TANGO2: variants seen among roughly 807,000 people sequenced by gnomAD.
The protein encoded by TANGO2 is transport and Golgi organization protein 2 homolog.
TANGO2 carries 26 observed loss-of-function variants against 39.1 expected under a neutral mutation model. The ratio of observed to expected loss-of-function variants is 0.67; its 90% CI spans 0.49 to 0.92. The LOEUF (loss-of-function observed/expected upper bound fraction) is 0.92, where lower values mean the gene tolerates loss of function less well. Among genes scored for constraint, TANGO2 ranks in the 40% least tolerant of loss-of-function variants. TANGO2 has a pLI of 0.00. For synonymous variants in TANGO2, 131 were observed against 144.5 expected (o/e 0.91, Z 0.67); for missense variants, 326 against 360.1 (o/e 0.91, Z 0.77).
chr22:20,027,004 C>G (rs537392921), intron 1 of TANGO2, among the ~76,000 whole-genome samples: 109 of 152,316 alleles, frequency 7.2e-4, no homozygotes, highest in Non-Finnish European at 1.5e-3. Flanking sequence ...GTTTAATTGG[C>G]TCTCGGTTCT....
At chr22:20,028,132 CAG>C (rs1218386612) in intron 1 of TANGO2, among the ~76,000 whole-genome samples, 2 of 152,124 alleles carry the variant, frequency 1.3e-5, no homozygotes, top group Non-Finnish European at 2.9e-5. Context: ...TATATTGAGA[CAG>C]AGTCTCCCTC....
chr22:20,045,546 C>G (rs1359127431), intron 3 of TANGO2, among the ~76,000 whole-genome samples: 1 of 145,000 alleles, frequency 6.9e-6, no homozygotes, highest in African/African-American at 2.6e-5. Flanking sequence ...TCTTGTTGCC[C>G]AGGCTGGAGT....
At chr22:20,039,304 A>G (rs1386447006) in intron 2 of TANGO2, among the ~76,000 whole-genome samples, 5 of 151,748 alleles carry the variant, frequency 3.3e-5, no homozygotes, top group South Asian at 4.2e-4. Context: ...TAACACAATC[A>G]CTTCATGATG....
intron 1 of TANGO2, among the ~76,000 whole-genome samples, chr22:20,031,119 A>C (rs914977324): frequency 6.6e-6 from 1 of 151,948 alleles, no homozygotes; most frequent in African/African-American, 2.4e-5. Context: ...AATCGCTTGA[A>C]CCAGGGAGGA....
chr22:20,033,330 C>G, intron 1 of TANGO2: 2 of 418,456 alleles, frequency 4.8e-6, no homozygotes, highest in Non-Finnish European at 4.7e-6. Context: ...GGAGCCCTCC[C>G]TGCCACTGGT....
rs112637156 is a variant in TANGO2, at chr22:20,033,245, C to G, written c.-39-3515C>G. The stretch of plus-strand genomic sequence containing the variant: ...AATGACCGCGTCTTCGTCGAGGCCA[C>G]AGCCCTTGGCTCTGCGCCCACACCT... On this transcript the variant is annotated intron_variant, in intron 1 of 8. Transcript: ENST00000327374. 1,860 of 527,084 alleles carry G rather than the reference C, an allele frequency of 3.5e-3. 37 individuals carry two copies. The highest frequency in any genetic ancestry group is 0.033 in the African/African-American group (1,715 of 51,588). The allele number at this position is 527,084 out of a possible 1,614,324, so 32.7% of individuals were successfully genotyped here.
upstream of TANGO2, chr22:20,019,417 A>C (rs1388665755): frequency 6.6e-6 from 1 of 152,248 alleles, no homozygotes; most frequent in Non-Finnish European, 1.5e-5. Context: ...ATCTGCCGTC[A>C]CCTGCTTCCT....
chr22:20,049,916 A>G (rs1455436527), intron 3 of TANGO2, among the ~76,000 whole-genome samples: 1 of 151,938 alleles, frequency 6.6e-6, no homozygotes, highest in African/African-American at 2.4e-5. Context: ...AACAAGAAGA[A>G]ACACTGTTGA....
rs752279416 is a variant in TANGO2 at position 20,046,930 on chromosome 22, C to T, written c.145+3487C>T. Among the ~76,000 whole-genome samples, 5 of 152,264 alleles carry T rather than the reference C, an allele frequency of 3.3e-5. No individual in the cohort carries two copies. In the South Asian group the frequency reaches 6.2e-4, roughly 19 times the overall value. On this transcript the variant is annotated intron_variant, in intron 3 of 8. Transcript: ENST00000327374. ...AAAGAGGTTTATTTGGCTTAGAGTT[C>T]TACAGGGGACCTGAAGCACAGTGTC...
At chr22:20,030,900 A>G (rs1416359057) in intron 1 of TANGO2, among the ~76,000 whole-genome samples, 2 of 152,176 alleles carry the variant, frequency 1.3e-5, no homozygotes, top group Admixed American at 6.5e-5. Context: ...CACCTCTCCA[A>G]AAAAATTTAA....
intron 3 of TANGO2, among the ~76,000 whole-genome samples, chr22:20,045,785 G>A (rs2045061836): frequency 6.6e-6 from 1 of 152,112 alleles, no homozygotes; most frequent in South Asian, 2.1e-4. Context: ...TTAGAAGCAT[G>A]AGCCATTGCA....
intron 3 of TANGO2, among the ~76,000 whole-genome samples, chr22:20,044,160 C>G (rs1235583705): frequency 6.6e-6 from 1 of 152,174 alleles, no homozygotes; most frequent in African/African-American, 2.4e-5. Context: ...TGGCATGCTC[C>G]AGGGTGCCCA....
intron 3 of TANGO2, among the ~76,000 whole-genome samples, chr22:20,046,509 G>A (rs2045239474): frequency 6.8e-6 from 1 of 146,804 alleles, no homozygotes; most frequent in Non-Finnish European, 1.5e-5. Flanking sequence ...CTGTCGCTTA[G>A]GCTGGAGTGC....
At chr22:20,042,609 C>G (rs1038738213) in intron 2 of TANGO2, among the ~76,000 whole-genome samples, 1 of 151,800 alleles carries the variant, frequency 6.6e-6, no homozygotes, top group African/African-American at 2.4e-5. Context: ...ACTAAAAATA[C>G]AAAAAATTAG....
intron 1 of TANGO2, among the ~76,000 whole-genome samples, chr22:20,026,397 CA>C (rs34580239): frequency 0.88 from 121,623 of 137,932 alleles, 53,484 homozygotes; most frequent in African/African-American, 0.93. Flanking sequence ...GACTTCGTCT[CA>C]AAAAAAAAAA....
At chr22:20,032,703 C>T (rs2042099338) in intron 1 of TANGO2, among the ~76,000 whole-genome samples, 1 of 152,218 alleles carries the variant, frequency 6.6e-6, no homozygotes, top group South Asian at 2.1e-4. Flanking sequence ...GGACACCAAC[C>T]CTCCTGTAGA....
At chr22:20,044,636 G>C (rs2044739376) in intron 3 of TANGO2, among the ~76,000 whole-genome samples, 1 of 152,196 alleles carries the variant, frequency 6.6e-6, no homozygotes, top group South Asian at 2.1e-4. Context: ...CTGAGGCTGG[G>C]TGGTCCCGGC....
chr22:20,041,939 G>GGA (rs2044027957), intron 2 of TANGO2, among the ~76,000 whole-genome samples: 1 of 152,116 alleles, frequency 6.6e-6, no homozygotes, highest in Non-Finnish European at 1.5e-5. Flanking sequence ...TCTGCTCCTT[G>GGA]GAGCTGCCTC....
At position 20,046,693 on chromosome 22, in the gene TANGO2, G is replaced by A. The variant is rs144559943; in HGVS notation, c.145+3250G>A. Among the ~76,000 whole-genome samples the A allele has an allele frequency of 3.4e-3, 521 of 152,060 alleles. 4 individuals are homozygous for A. Among genetic ancestry groups the A allele is most frequent in the African/African-American group, 0.011 (474 of 41,472 alleles). ...AAGTTCTAGGGTACATGTGCAGAAC[G>A]TGCAGGTTTGTTACATAGGTATACA... On this transcript the variant is annotated intron_variant, in intron 3 of 8. Coordinates refer to ENST00000327374, the MANE Select transcript of TANGO2 (RefSeq NM_152906.7).
Sources: allele counts gnomAD v4.1 joint callset (sites outside exome capture counted in the v4.1 genomes callset), GRCh38; gene constraint gnomAD v4.1.1; transcripts MANE v1.5; gene names NCBI Gene and HGNC (gene_info 2026-07-23, HGNC 2026-07-21).